SGCZ: variants seen among roughly 807,000 people sequenced by gnomAD.
SGCZ encodes the protein sarcoglycan zeta, also known as zeta-sarcoglycan.
A neutral mutation model predicts 41.3 loss-of-function variants in SGCZ; 40 were observed. The ratio of observed to expected loss-of-function variants is 0.97; its 90% CI spans 0.75 to 1.26. The LOEUF (loss-of-function observed/expected upper bound fraction) is 1.26, where lower values mean the gene tolerates loss of function less well. Among genes scored for constraint, SGCZ ranks in the 50% most tolerant of loss-of-function variants. The probability of loss-of-function intolerance (pLI) is 0.00; values close to 1 mark genes in which losing one functional copy is unlikely to be tolerated. For synonymous variants in SGCZ, 206 were observed against 137.5 expected, an observed-to-expected ratio of 1.50 and a Z score of -3.49; for missense variants, 552 against 369.8, an observed-to-expected ratio of 1.49 and a Z score of -4.04.
At chr8:15,214,532 G>C (rs1801337180) in intron 1 of SGCZ, among the ~76,000 whole-genome samples, 1 of 152,032 alleles carries the variant, frequency 6.6e-6, no homozygotes, top group Non-Finnish European at 1.5e-5. Flanking sequence ...ATCAAAGTTA[G>C]AGTTGAAATC....
At chr8:14,107,636 TTG>T (rs1424193446) in intron 6 of SGCZ, among the ~76,000 whole-genome samples, 1 of 152,056 alleles carries the variant, frequency 6.6e-6, no homozygotes, top group Non-Finnish European at 1.5e-5. Context: ...TGTTTTTGTA[TTG>T]TGTTTTGTTT....
At chr8:14,770,507 TA>T (rs1355209957) in intron 1 of SGCZ, among the ~76,000 whole-genome samples, 3 of 151,982 alleles carry the variant, frequency 2.0e-5, no homozygotes, top group Admixed American at 2.0e-4. Flanking sequence ...TAAACTATAT[TA>T]AATATTATAA....
At chr8:14,266,574 C>G (rs772032319) in intron 3 of SGCZ, among the ~76,000 whole-genome samples, 1 of 152,024 alleles carries the variant, frequency 6.6e-6, no homozygotes. Flanking sequence ...AAATAGGGAA[C>G]TGAAATCAGT....
chr8:14,475,281 G>C (rs1801325553), intron 2 of SGCZ, among the ~76,000 whole-genome samples: 1 of 152,070 alleles, frequency 6.6e-6, no homozygotes, highest in Non-Finnish European at 1.5e-5. Flanking sequence ...GAAGTGGTAT[G>C]TTTTCCAATT....
intron 2 of SGCZ, among the ~76,000 whole-genome samples, chr8:14,550,636 C>A (rs1803774818): frequency 6.6e-6 from 1 of 151,810 alleles, no homozygotes; most frequent in Non-Finnish European, 1.5e-5. Flanking sequence ...TTAATAAATA[C>A]CATTGCGTAG....
intron 2 of SGCZ, among the ~76,000 whole-genome samples, chr8:14,326,982 T>G (rs1431395730): frequency 7.0e-6 from 1 of 143,720 alleles, no homozygotes; most frequent in East Asian, 1.9e-4. Context: ...TGTGGTATTC[T>G]TAAAGTGGCA....
rs568630167 is a variant in SGCZ at position 15,200,521 on chromosome 8, A to C, written c.39+37064T>G. Among the ~76,000 whole-genome samples, 33 of 152,286 alleles carry C rather than the reference A, an allele frequency of 2.2e-4. No individual in the cohort carries two copies. In the South Asian group the frequency reaches 4.4e-3, roughly 20 times the overall value. On this transcript the variant is annotated intron_variant, in intron 1 of 7. Transcript: ENST00000382080. ...TAAAGGAGGGTAGGGGGTACCATGG[A>C]TAGCCTAATGGTATGATATGACATT... is the stretch of plus-strand genomic sequence containing the variant.
chr8:14,340,599 C>A lies in SGCZ; in HGVS notation c.235-16395G>T, dbSNP rs143570061. 6.5e-3 allele frequency among the ~76,000 whole-genome samples: 991 copies of A among 152,118 alleles called. 7 individuals carry two copies. Among genetic ancestry groups the A allele is most frequent in the Non-Finnish European group, 0.011 (774 of 67,982 alleles). On this transcript the variant is annotated intron_variant, in intron 2 of 7. Transcript: ENST00000382080. ...AGCACAAGTACTTGTAAGTACTTGACAAACGTTCACTGAGGTTGAAAAAAT... is the reference window on the plus strand; with the variant it reads ...AGCACAAGTACTTGTAAGTACTTGAAAAACGTTCACTGAGGTTGAAAAAAT...
chr8:14,362,904 A>G (rs1348485117), intron 2 of SGCZ, among the ~76,000 whole-genome samples: 2 of 152,246 alleles, frequency 1.3e-5, no homozygotes, highest in East Asian at 3.9e-4. Context: ...TTGAGAGCAT[A>G]AATCCAATAA....
chr8:15,071,154 C>G (rs1460735115), intron 1 of SGCZ, among the ~76,000 whole-genome samples: 1 of 152,040 alleles, frequency 6.6e-6, no homozygotes, highest in Non-Finnish European at 1.5e-5. Context: ...AATTTATAGT[C>G]TTTAGTAATG....
chr8:14,688,037 G>A (rs997742369), intron 1 of SGCZ, among the ~76,000 whole-genome samples: 2 of 152,024 alleles, frequency 1.3e-5, no homozygotes, highest in Non-Finnish European at 2.9e-5. Flanking sequence ...CTTTTTGATG[G>A]GGTTGTTTGT....
At chr8:14,392,187 T>G (rs1290084178) in intron 2 of SGCZ, among the ~76,000 whole-genome samples, 1 of 152,190 alleles carries the variant, frequency 6.6e-6, no homozygotes, top group East Asian at 1.9e-4. Flanking sequence ...TAGCTACACT[T>G]TAATGCATAG....
intron 4 of SGCZ, among the ~76,000 whole-genome samples, chr8:14,211,153 G>A (rs537040825): frequency 2.8e-4 from 43 of 152,228 alleles, no homozygotes; most frequent in African/African-American, 9.6e-4. Flanking sequence ...CTTGCCAGCT[G>A]GCATGATGCT....
intron 1 of SGCZ, among the ~76,000 whole-genome samples, chr8:15,114,622 T>A (rs1807198343): frequency 6.6e-6 from 1 of 152,198 alleles, no homozygotes; most frequent in Admixed American, 6.5e-5. Flanking sequence ...AAGTACAAAC[T>A]AATCGGAACT....
chr8:15,117,053 T>C (rs961221791), intron 1 of SGCZ, among the ~76,000 whole-genome samples: 11 of 152,190 alleles, frequency 7.2e-5, no homozygotes, highest in African/African-American at 2.7e-4. Flanking sequence ...CTGTAACAAT[T>C]TATTTCAATT....
intron 2 of SGCZ, among the ~76,000 whole-genome samples, chr8:14,380,743 T>G (rs1396476247): frequency 6.6e-6 from 1 of 152,060 alleles, no homozygotes; most frequent in Non-Finnish European, 1.5e-5. Flanking sequence ...TCCCAGCTAC[T>G]CGCTACTTGG....
At chr8:14,424,381 A>C (rs1336914209) in intron 2 of SGCZ, among the ~76,000 whole-genome samples, 2 of 152,330 alleles carry the variant, frequency 1.3e-5, no homozygotes, top group East Asian at 3.9e-4. Context: ...GATTCACAGT[A>C]ACACTACATA....
intron 2 of SGCZ, among the ~76,000 whole-genome samples, chr8:14,412,971 T>A: frequency 6.6e-6 from 1 of 151,956 alleles, no homozygotes; most frequent in East Asian, 1.9e-4. Context: ...ATAGCTAGCA[T>A]TCATAATTTG....
At chr8:14,286,074 G>GTGT (rs781017987) in intron 3 of SGCZ, among the ~76,000 whole-genome samples, 101 of 150,630 alleles carry the variant, frequency 6.7e-4, no homozygotes, top group East Asian at 1.4e-3. Context: ...TGCAGTCAAT[G>GTGT]TATTTTGTTT....
Sources: allele counts gnomAD v4.1 joint callset (sites outside exome capture counted in the v4.1 genomes callset), GRCh38; gene constraint gnomAD v4.1.1; transcripts MANE v1.5; gene names NCBI Gene and HGNC (gene_info 2026-07-23, HGNC 2026-07-21).